The following TTC19 variants were observed in gnomAD, a reference collection of about 807,000 sequenced individuals.
TTC19 encodes the protein tetratricopeptide repeat protein 19, mitochondrial.
A neutral mutation model predicts 49.5 loss-of-function variants in TTC19; 38 were observed. The observed-to-expected ratio is 0.77, with a 90% CI of 0.59 to 1.01. The LOEUF (loss-of-function observed/expected upper bound fraction) is 1.01. Among genes scored for constraint, TTC19 ranks in the 50% least tolerant of loss-of-function variants. TTC19 has a pLI of 0.00. For synonymous variants in TTC19, 204 were observed against 185.2 expected (o/e 1.10, Z -0.83); for missense variants, 475 against 477.7 (o/e 0.99, Z 0.05).
intron 6 of TTC19, 131 bp downstream of exon 6, chr17:16,004,393 C>A: frequency 1.1e-6 from 1 of 874,876 alleles, no homozygotes; most frequent in Non-Finnish European, 1.9e-6. Context: ...TGTTCCATCC[C>A]TCATCTTTGA....
rs1418397752 is a variant in TTC19, at chr17:16,044,185, AAAAG to A, written c.248-305_248-302del. On this transcript the variant is annotated intron_variant, in intron 2 of 2. Transcript: ENST00000470649. ...CTCCATCTCAAAAAAAAAAAAAAAAAAAAGAAAGAAAGAAAGGCTATCTGTAAGC... is the reference window on the plus strand; with the variant it reads ...CTCCATCTCAAAAAAAAAAAAAAAAAAAAGAAAGAAAGGCTATCTGTAAGC... 1.8e-4 allele frequency among the ~76,000 whole-genome samples: 28 copies of A among 151,476 alleles called. No homozygotes were observed. The East Asian group carries it at 1.9e-3, about 10-fold the overall frequency.
downstream of TTC19, chr17:16,032,517 G>T (rs1567605142): frequency 6.5e-7 from 1 of 1,532,244 alleles, no homozygotes. Context: ...TCATTGTCAT[G>T]AACATAACTG....
At chr17:16,035,957 A>G (rs1671734539) in intron 2 of TTC19, among the ~76,000 whole-genome samples, 1 of 152,188 alleles carries the variant, frequency 6.6e-6, no homozygotes, top group South Asian at 2.1e-4. Flanking sequence ...TAATGTTGAT[A>G]TTCTTACCTC....
downstream of TTC19, chr17:16,030,494 A>G (rs935907919): frequency 3.5e-5 from 6 of 171,702 alleles, no homozygotes; most frequent in African/African-American, 5.0e-5. Flanking sequence ...CCAGTACCTG[A>G]AAAAAAAAAA....
chr17:16,039,456 T>G (rs748265972), intron 2 of TTC19: 3 of 1,614,014 alleles, frequency 1.9e-6, no homozygotes, highest in South Asian at 2.2e-5. Flanking sequence ...TGGGTCCCCT[T>G]CCTCTCTTCG....
chr17:16,017,822 A>C (rs1327592132), intron 7 of TTC19, among the ~76,000 whole-genome samples: 1 of 149,128 alleles, frequency 6.7e-6, no homozygotes, highest in Non-Finnish European at 1.5e-5. Flanking sequence ...ATTGCATTTT[A>C]AAAAGTGCTT....
In TTC19 at chr17:16,028,837, A is replaced by AAAAAC; in HGVS notation, c.*1319_*1320insCAAAA. The AAAAAC allele has an allele frequency of 2.7e-6, 1 of 376,910 alleles. No individual in the cohort carries two copies. The allele number at this position is 376,910 out of a possible 1,614,324, so 23.3% of individuals were successfully genotyped here. ...ATTTCTCAAAAAAAAAAAAAAAAAA[A>AAAAAC]AAAAAAAAACTTTCTGAAGAAAATA... On this transcript the variant is annotated 3_prime_UTR_variant, in exon 10 of 10. Coordinates refer to ENST00000261647, the MANE Select transcript of TTC19 (RefSeq NM_017775.4).
chr17:16,042,543 GC>G (rs1173397244), intron 2 of TTC19, among the ~76,000 whole-genome samples: 1 of 152,172 alleles, frequency 6.6e-6, no homozygotes, highest in East Asian at 1.9e-4. Flanking sequence ...CATTCCTGGG[GC>G]TCCATAATTC....
chr17:16,034,844 T>C, intron 2 of TTC19: 1 of 1,614,122 alleles, frequency 6.2e-7, no homozygotes, highest in African/African-American at 1.3e-5. Flanking sequence ...CAGAGGAGAC[T>C]GAAGAGGGCC....
downstream of TTC19, among the ~76,000 whole-genome samples, chr17:16,033,657 A>ATTTT (rs2151811651): frequency 6.6e-6 from 1 of 152,134 alleles, no homozygotes; most frequent in East Asian, 1.9e-4. Context: ...TCCCAGTTTT[A>ATTTT]AAAGTCTGTT....
intron 7 of TTC19, among the ~76,000 whole-genome samples, chr17:16,014,479 G>C (rs1971159233): frequency 6.6e-6 from 1 of 152,150 alleles, no homozygotes; most frequent in Admixed American, 6.5e-5. Context: ...TATTAAATTT[G>C]ATTCTAACTG....
At chr17:16,032,320 C>T (rs1182860320), downstream of TTC19, 1 of 1,613,848 alleles carries the variant, frequency 6.2e-7, no homozygotes. Context: ...CCGACAGGGT[C>T]TCGTACTGTG....
At position 16,028,757 on chromosome 17, in the gene TTC19, C is replaced by CTT. The variant is rs61349729; in HGVS notation, c.*1236_*1237dup. Reference sequence around the variant, plus strand: ...GTTCGTATGTACATACTGGAAGAATCTTCATAATAAATGAGACTACACAAC... The same window carrying CTT: ...GTTCGTATGTACATACTGGAAGAATCTTTTCATAATAAATGAGACTACACAAC... On this transcript the variant is annotated 3_prime_UTR_variant, in exon 10 of 10. Coordinates refer to ENST00000261647, the MANE Select transcript of TTC19 (RefSeq NM_017775.4). The CTT allele has an allele frequency of 0.55, 240,010 of 440,286 alleles. 66,929 individuals carry two copies. The highest frequency in any genetic ancestry group is 0.68 in the African/African-American group (31,220 of 46,086). 27.3% of individuals were successfully genotyped at this position (440,286 alleles called of 1,614,324 possible).
Position 15,999,955 on chromosome 17 carries a change from C to T in TTC19, c.107C>T (p.Pro36Leu). 7.6e-7 allele frequency: 1 copy of T among 1,321,496 alleles called. No individual in the cohort carries two copies. The highest frequency in any genetic ancestry group is 9.6e-7 in the Non-Finnish European group (1 of 1,041,390). 81.9% of individuals were successfully genotyped at this position (1,321,496 alleles called of 1,614,324 possible). The change falls in exon 1 of 10, where the codon CCG becomes CTG. Residue 36 changes from proline (P) to leucine (L), a missense_variant. By Grantham distance (98) the Pro-to-Leu change is moderately conservative (BLOSUM62 -3). Coordinates refer to ENST00000261647, the MANE Select transcript of TTC19 (RefSeq NM_017775.4). ...ARLLPGLAGGPGPEVQVPPSR... is the reference protein window; with the variant it reads ...ARLLPGLAGGLGPEVQVPPSR... ...CTGCTCCCGGGGCTGGCAGGAGGTCCGGGGCCCGAGGTGCAGGTGCCGCCA... is the reference window on the plus strand; with the variant it reads ...CTGCTCCCGGGGCTGGCAGGAGGTCTGGGGCCCGAGGTGCAGGTGCCGCCA...
chr17:16,002,687 C>G, intron 3 of TTC19, 106 bp from the exon 4 acceptor site: 1 of 1,047,704 alleles, frequency 9.5e-7, no homozygotes, highest in Non-Finnish European at 1.5e-6. Context: ...TCATTTTCAA[C>G]TATTTTTTAA....
chr17:16,019,879 C>T (rs755274332), intron 7 of TTC19, among the ~76,000 whole-genome samples: 1 of 150,860 alleles, frequency 6.6e-6, no homozygotes, highest in Non-Finnish European at 1.5e-5. Flanking sequence ...GTAATCCCAG[C>T]ATTTTGGGAG....
At chr17:16,044,324 C>G (rs2058287547) in intron 2 of TTC19, 4 of 463,244 alleles carry the variant, frequency 8.6e-6, no homozygotes, top group South Asian at 6.3e-5. Flanking sequence ...AGTGGTGACA[C>G]TGGCTCATCC....
At chr17:16,037,484 A>G (rs1166276401) in intron 2 of TTC19, among the ~76,000 whole-genome samples, 1 of 152,174 alleles carries the variant, frequency 6.6e-6, no homozygotes, top group Non-Finnish European at 1.5e-5. Context: ...GTAACAATCA[A>G]AACAAAAAAC....
At position 16,000,131 on chromosome 17, in the gene TTC19, C is replaced by T. The variant is rs1486440690; in HGVS notation, c.198C>T (p.Phe66=). 1.1e-5 allele frequency: 18 copies of T among 1,570,956 alleles called. No individual in the cohort carries two copies. The highest frequency in any genetic ancestry group is 1.5e-5 in the Non-Finnish European group (17 of 1,166,886). ...CCCTTCCCGCAGCGCTCGCCTGGTTCTCGAGGCCCGCTGCGGCAGAGGAGG... is the reference window on the plus strand; with the variant it reads ...CCCTTCCCGCAGCGCTCGCCTGGTTTTCGAGGCCCGCTGCGGCAGAGGAGG... ...LLPLLAALAW[F]SRPAAAEEEE... The change falls in exon 2 of 10, where the codon TTC becomes TTT. Residue 66 remains phenylalanine, a synonymous_variant. Coordinates refer to ENST00000261647, the MANE Select transcript of TTC19 (RefSeq NM_017775.4).
Sources: gnomAD v4.1 joint callset for allele counts (sites outside exome capture counted in the v4.1 genomes callset) on GRCh38, gnomAD v4.1.1 for gene constraint, MANE v1.5 for transcripts, NCBI Gene and HGNC (gene_info 2026-07-23, HGNC 2026-07-21) for gene names.